CADM2: variants seen among roughly 807,000 people sequenced by gnomAD.
CADM2 encodes cell adhesion molecule 2.
A neutral mutation model predicts 49.8 loss-of-function variants in CADM2; 12 were observed. That is an observed-to-expected ratio of 0.24 (90% CI 0.15 to 0.39). The LOEUF is 0.39. Ranked by LOEUF, CADM2 falls within the 10% of genes least tolerant of loss-of-function variation. CADM2 has a pLI of 1.00. For synonymous variants in CADM2, 214 were observed against 175.4 expected, an observed-to-expected ratio of 1.22 and a Z score of -1.74; for missense variants, 378 against 492.3, an observed-to-expected ratio of 0.77 and a Z score of 2.20.
chr3:85,434,756 C>T (rs2053103), intron 1 of CADM2, among the ~76,000 whole-genome samples: 124,111 of 151,982 alleles, frequency 0.82, 51,567 homozygotes, highest in East Asian at 0.95. Flanking sequence ...TTTAGTATTA[C>T]CTAAAAACAA....
chr3:85,954,079 T>C (rs1242543878), intron 7 of CADM2, among the ~76,000 whole-genome samples: 3 of 151,034 alleles, frequency 2.0e-5, no homozygotes, highest in Admixed American at 1.3e-4. Context: ...TTGCTTATTC[T>C]ACAATTTATT....
intron 1 of CADM2, among the ~76,000 whole-genome samples, chr3:85,053,169 A>G (rs570628736): frequency 5.9e-5 from 9 of 152,178 alleles, no homozygotes; most frequent in Admixed American, 5.9e-4. Context: ...AATGAAGGCT[A>G]AAATGTTCAG....
intron 8 of CADM2, among the ~76,000 whole-genome samples, chr3:85,971,944 A>G (rs1037582665): frequency 1.3e-5 from 2 of 151,580 alleles, no homozygotes; most frequent in African/African-American, 4.8e-5. Context: ...TCCATTTAGT[A>G]TGAGAAACCA....
At chr3:85,340,728 A>G (rs1372876805) in intron 1 of CADM2, among the ~76,000 whole-genome samples, 1 of 151,662 alleles carries the variant, frequency 6.6e-6, no homozygotes, top group Non-Finnish European at 1.5e-5. Flanking sequence ...TGCTGGCAGC[A>G]TTGGAAATGT....
chr3:85,403,494 G>A (rs1370773827), intron 1 of CADM2, among the ~76,000 whole-genome samples: 1 of 151,992 alleles, frequency 6.6e-6, no homozygotes, highest in Non-Finnish European at 1.5e-5. Context: ...AAGTAACTTG[G>A]TCTTCAGAGT....
At chr3:85,213,931 A>G (rs888319069) in intron 1 of CADM2, among the ~76,000 whole-genome samples, 2 of 152,054 alleles carry the variant, frequency 1.3e-5, no homozygotes, top group African/African-American at 4.8e-5. Context: ...AATCATTTCA[A>G]TATTTGTTAA....
At chr3:85,442,893 G>A (rs998505459) in intron 1 of CADM2, among the ~76,000 whole-genome samples, 2 of 151,540 alleles carry the variant, frequency 1.3e-5, no homozygotes, top group Non-Finnish European at 2.9e-5. Flanking sequence ...AAATATAGAT[G>A]CCATTTTGTG....
chr3:85,151,564 T>C lies in CADM2; in HGVS notation c.61+191896T>C, dbSNP rs184746590. Among the ~76,000 whole-genome samples the C allele has an allele frequency of 3.8e-4, 58 of 152,332 alleles. 1 individual carries two copies. The highest frequency in any genetic ancestry group is 6.6e-4 in the Non-Finnish European group (45 of 68,020). On this transcript the variant is annotated intron_variant, in intron 1 of 9. Coordinates refer to ENST00000383699, the MANE Select transcript of CADM2 (RefSeq NM_001167675.2). ...CAATATATTGCCTTAGAGCAGCCGA[T>C]TAAAATCAACCTTCAAAAATCAACT... is the stretch of plus-strand genomic sequence containing the variant.
intron 1 of CADM2, among the ~76,000 whole-genome samples, chr3:84,965,519 G>A (rs987255367): frequency 3.3e-5 from 5 of 152,200 alleles, no homozygotes; most frequent in Non-Finnish European, 7.3e-5. Flanking sequence ...ATTTTGTTTA[G>A]AGATGAATAA....
At chr3:85,037,595 A>G (rs2107350334) in intron 1 of CADM2, among the ~76,000 whole-genome samples, 1 of 152,302 alleles carries the variant, frequency 6.6e-6, no homozygotes, top group East Asian at 1.9e-4. Flanking sequence ...GGGAGTCTCC[A>G]TTCTGTTTCT....
chr3:86,057,137 T>A lies in CADM2; in HGVS notation c.971-8468T>A, dbSNP rs556430919. 3.9e-5 allele frequency among the ~76,000 whole-genome samples: 6 copies of A among 152,278 alleles called. No individual in the cohort carries two copies. In the East Asian group the frequency reaches 1.2e-3, roughly 29 times the overall value. ...TCAGAAACAGTAATTGTACATAAAATTACGACATAATAGATGGCCCTTGAG... is the reference window on the plus strand; with the variant it reads ...TCAGAAACAGTAATTGTACATAAAAATACGACATAATAGATGGCCCTTGAG... On this transcript the variant is annotated intron_variant, in intron 8 of 9. Coordinates refer to ENST00000383699, the MANE Select transcript of CADM2 (RefSeq NM_001167675.2).
At chr3:85,575,434 C>A (rs2062602854) in intron 1 of CADM2, among the ~76,000 whole-genome samples, 1 of 152,110 alleles carries the variant, frequency 6.6e-6, no homozygotes, top group Non-Finnish European at 1.5e-5. Context: ...ATCTGTACTC[C>A]CAGCTACACG....
At chr3:85,476,933 T>A (rs2038999403) in intron 1 of CADM2, among the ~76,000 whole-genome samples, 1 of 141,636 alleles carries the variant, frequency 7.1e-6, no homozygotes, top group Non-Finnish European at 1.5e-5. Context: ...CACACAGATC[T>A]ATTTTCTGGG....
chr3:85,951,214 A>C (rs1042894568), intron 7 of CADM2, among the ~76,000 whole-genome samples: 2 of 151,182 alleles, frequency 1.3e-5, no homozygotes, highest in African/African-American at 4.8e-5. Flanking sequence ...GAAATATTTA[A>C]AACAAAAGAG....
chr3:85,433,599 T>A (rs1306507831), intron 1 of CADM2, among the ~76,000 whole-genome samples: 1 of 152,094 alleles, frequency 6.6e-6, no homozygotes. Context: ...CAAATAAGGA[T>A]GGGTTATGCT....
intron 2 of CADM2, among the ~76,000 whole-genome samples, chr3:85,727,000 TA>T (rs1333986819): frequency 6.6e-6 from 1 of 152,130 alleles, no homozygotes; most frequent in Non-Finnish European, 1.5e-5. Context: ...TATTTATGAT[TA>T]TTTTTTCATT....
chr3:85,754,673 C>G (rs775010716), intron 2 of CADM2, among the ~76,000 whole-genome samples: 1 of 152,034 alleles, frequency 6.6e-6, no homozygotes, highest in Non-Finnish European at 1.5e-5. Context: ...ATTCTCCAAA[C>G]AAGTTTTGTG....
chr3:85,850,287 T>A (rs1419229853), intron 3 of CADM2, among the ~76,000 whole-genome samples: 1 of 149,724 alleles, frequency 6.7e-6, no homozygotes, highest in Non-Finnish European at 1.5e-5. Context: ...GCTACCTAAC[T>A]GCTCTCTGTT....
At chr3:85,926,682 G>A (rs1194199617) in intron 6 of CADM2, among the ~76,000 whole-genome samples, 1 of 152,030 alleles carries the variant, frequency 6.6e-6, no homozygotes, top group Non-Finnish European at 1.5e-5. Flanking sequence ...TTGTGGATGA[G>A]AAGAGTTTGT....
Sources: gnomAD v4.1 joint callset for allele counts (sites outside exome capture counted in the v4.1 genomes callset) on GRCh38, gnomAD v4.1.1 for gene constraint, MANE v1.5 for transcripts, NCBI Gene and HGNC (gene_info 2026-07-23, HGNC 2026-07-21) for gene names.